Variants in MARK1 observed in about 807,000 individuals in gnomAD.
MARK1 encodes serine/threonine-protein kinase MARK1.
MARK1 carries 40 observed loss-of-function variants against 96.3 expected under a neutral mutation model. That is an observed-to-expected ratio of 0.42 (90% CI 0.32 to 0.54). The LOEUF is 0.54. MARK1 is among the 20% of genes least tolerant of loss of function. The pLI is 0.16. For missense variants in MARK1, 719 were observed against 984.6 expected (o/e 0.73, Z 3.61); for synonymous variants, 317 against 341.2 (o/e 0.93, Z 0.78).
chr1:220,560,074 A>C (rs1381908161), intron 1 of MARK1, among the ~76,000 whole-genome samples: 2 of 152,174 alleles, frequency 1.3e-5, no homozygotes, highest in African/African-American at 4.8e-5. Flanking sequence ...ACATGGCGGC[A>C]GGCAATAGAG....
At position 220,528,966 on chromosome 1, in the gene MARK1, G is replaced by A. The variant is rs372915446; in HGVS notation, c.51+93G>A. On this transcript the variant is annotated intron_variant, in intron 1 of 17. Transcript: ENST00000366917. ...CGCTTGGGCCGTCCCCCGTGCCTCGGCGCGGCCACCCGCGGCAGGGTCTCC... is the reference window on the plus strand; with the variant it reads ...CGCTTGGGCCGTCCCCCGTGCCTCGACGCGGCCACCCGCGGCAGGGTCTCC... The A allele has an allele frequency of 8.3e-6, 11 of 1,332,540 alleles. No individual in the cohort carries two copies. In the East Asian group the frequency reaches 1.4e-4, roughly 17 times the overall value. The allele number at this position is 1,332,540 out of a possible 1,614,324, so 82.5% of individuals were successfully genotyped here.
Position 220,662,351 on chromosome 1 carries a change from T to G in MARK1, c.*185T>G, listed in dbSNP as rs1049953931. The G allele has an allele frequency of 1.1e-5, 6 of 559,576 alleles. No individual in the cohort carries two copies. The highest frequency in any genetic ancestry group is 2.6e-5 in the South Asian group (1 of 37,740). 34.7% of individuals were successfully genotyped at this position (559,576 alleles called of 1,614,324 possible). A position where few individuals can be genotyped will look rare whatever the true frequency, so the allele number is the denominator to read the frequency against. ...AAGTCAGTATGAACTATAATAAATA[T>G]CTGTAGCTTAAAAAGTAGGTTCACA... On this transcript the variant is annotated 3_prime_UTR_variant, in exon 18 of 18. Transcript: ENST00000366917.
chr1:220,602,285 T>G (rs1201716680), intron 5 of MARK1, among the ~76,000 whole-genome samples: 2 of 152,192 alleles, frequency 1.3e-5, no homozygotes, highest in Non-Finnish European at 2.9e-5. Flanking sequence ...AAAAGTAGGT[T>G]TCAGGACTAC....
intron 13 of MARK1, among the ~76,000 whole-genome samples, chr1:220,644,931 G>A (rs1246682456): frequency 1.3e-5 from 2 of 152,022 alleles, no homozygotes; most frequent in Non-Finnish European, 2.9e-5. Context: ...TAAAGTAATG[G>A]TAAGAGGGAA....
Position 220,598,386 on chromosome 1 carries a change from A to AATAT in MARK1, c.358+16_358+19dup, listed in dbSNP as rs750007441. On this transcript the variant is annotated splice_region_variant and intron_variant, in intron 4 of 17. Transcript: ENST00000366917. ...CTGAATCATCCTAATATAGGTATGA[A>AATAT]ATATATATATATTATATATATATAT... 2.4e-5 allele frequency: 8 copies of AATAT among 339,230 alleles called. No individual in the cohort carries two copies. The highest frequency in any genetic ancestry group is 4.5e-5 in the Non-Finnish European group (8 of 179,108). The allele number at this position is 339,230 out of a possible 1,614,324, so 21.0% of individuals were successfully genotyped here.
At chr1:220,612,807 A>G (rs1175233787) in intron 6 of MARK1, among the ~76,000 whole-genome samples, 1 of 152,232 alleles carries the variant, frequency 6.6e-6, no homozygotes, top group Non-Finnish European at 1.5e-5. Context: ...TAATAAATGT[A>G]TATACATCCT....
At chr1:220,599,906 A>T (rs766499743) in intron 5 of MARK1, 43 bp downstream of exon 5, 2 of 1,361,962 alleles carry the variant, frequency 1.5e-6, no homozygotes, top group Non-Finnish European at 2.1e-6. Flanking sequence ...GCTGAGACAT[A>T]CAGAAATGTT....
chr1:220,562,048 A>G (rs1162443847), intron 1 of MARK1, among the ~76,000 whole-genome samples: 2 of 152,288 alleles, frequency 1.3e-5, no homozygotes, highest in African/African-American at 2.4e-5. Context: ...ATACAAATAT[A>G]TATTTTTTAT....
chr1:220,654,117 T>A lies in MARK1; in HGVS notation c.1988+765T>A, dbSNP rs371261088. 2.0e-4 allele frequency among the ~76,000 whole-genome samples: 31 copies of A among 152,232 alleles called. No homozygotes were observed. The South Asian group carries it at 6.2e-3, about 31-fold the overall frequency. The stretch of plus-strand genomic sequence containing the variant: ...ATCTGTGCCCTCCAGATTCTTATAG[T>A]CTTGTAAGAAGCAGACAAACAACTA... On this transcript the variant is annotated intron_variant, in intron 16 of 17. Transcript: ENST00000366917. The surrounding 1 kb of genome is among the most constrained non-coding windows in gnomAD (Gnocchi z 4.0).
At chr1:220,553,988 A>G (rs957576819) in intron 1 of MARK1, among the ~76,000 whole-genome samples, 5 of 152,220 alleles carry the variant, frequency 3.3e-5, no homozygotes, top group African/African-American at 1.2e-4. Context: ...GATTAGCTGT[A>G]ATGGTAATGC....
At chr1:220,649,392 AATTTTTTTGT>A (rs1668751078) in intron 13 of MARK1, among the ~76,000 whole-genome samples, 1 of 151,902 alleles carries the variant, frequency 6.6e-6, no homozygotes, top group South Asian at 2.1e-4. Flanking sequence ...ACACTCAGCT[AATTTTTTTGT>A]ATTTTTTGTG....
intron 1 of MARK1, among the ~76,000 whole-genome samples, chr1:220,577,274 A>G (rs892199905): frequency 3.9e-5 from 1 of 25,716 alleles, no homozygotes; most frequent in African/African-American, 8.0e-5. Context: ...CTCAGGAAGA[A>G]AAAAAAAAAG....
chr1:220,597,457 G>A (rs1665449408), intron 3 of MARK1, among the ~76,000 whole-genome samples: 1 of 151,818 alleles, frequency 6.6e-6, no homozygotes, highest in South Asian at 2.1e-4. Context: ...ACCTCTTTGT[G>A]GCTTTGATTT....
At chr1:220,558,866 T>G (rs1222680201) in intron 1 of MARK1, among the ~76,000 whole-genome samples, 1 of 152,164 alleles carries the variant, frequency 6.6e-6, no homozygotes, top group Non-Finnish European at 1.5e-5. Context: ...AATATACTCT[T>G]CTCTTGAAAC....
At chr1:220,629,081 G>A (rs1460662479) in intron 9 of MARK1, among the ~76,000 whole-genome samples, 2 of 152,050 alleles carry the variant, frequency 1.3e-5, no homozygotes, top group African/African-American at 2.4e-5. Context: ...AGGTACCTGG[G>A]CAGTCAAGAA....
chr1:220,614,187 T>C (rs1397740068), intron 6 of MARK1, among the ~76,000 whole-genome samples: 1 of 152,110 alleles, frequency 6.6e-6, no homozygotes, highest in Non-Finnish European at 1.5e-5. Context: ...TTTTTATTTT[T>C]TGTAGAGACG....
chr1:220,645,458 G>A (rs905238021), intron 13 of MARK1, among the ~76,000 whole-genome samples: 1 of 152,192 alleles, frequency 6.6e-6, no homozygotes, highest in Non-Finnish European at 1.5e-5. Context: ...GGACCAGATG[G>A]ATTTACAGCT....
chr1:220,558,670 A>G (rs1662459078), intron 1 of MARK1, among the ~76,000 whole-genome samples: 2 of 152,076 alleles, frequency 1.3e-5, no homozygotes, highest in African/African-American at 4.8e-5. Context: ...TTATACATAT[A>G]TAACAACATG....
At chr1:220,560,041 G>T (rs111885459) in intron 1 of MARK1, among the ~76,000 whole-genome samples, 241 of 152,220 alleles carry the variant, frequency 1.6e-3, no homozygotes, top group African/African-American at 5.0e-3. Flanking sequence ...CACAATCATG[G>T]CAGAAGGCAA....
Sources: gnomAD v4.1 joint callset for allele counts (sites outside exome capture counted in the v4.1 genomes callset) on GRCh38, gnomAD v4.1.1 for gene constraint, Gnocchi (gnomAD v3.1) non-coding constraint, MANE v1.5 for transcripts, NCBI Gene and HGNC (gene_info 2026-07-23, HGNC 2026-07-21) for gene names.